The following VGLL4 variants were observed in gnomAD, a reference collection of about 807,000 sequenced individuals.
VGLL4 encodes the protein vestigial like family member 4, also known as transcription cofactor vestigial-like protein 4.
VGLL4 carries 7 observed loss-of-function variants against 21.0 expected under a neutral mutation model. The observed-to-expected ratio is 0.33, with a 90% CI of 0.19 to 0.63. The LOEUF is 0.63. VGLL4 is among the 20% of genes least tolerant of loss of function. The pLI is 0.78. For missense variants in VGLL4, 394 were observed against 425.7 expected (o/e 0.93, Z 0.66); for synonymous variants, 222 against 173.2 (o/e 1.28, Z -2.21).
At chr3:11,659,242 G>A (rs1195127562) in intron 2 of VGLL4, among the ~76,000 whole-genome samples, 1 of 149,646 alleles carries the variant, frequency 6.7e-6, no homozygotes, top group Admixed American at 6.7e-5. Context: ...CAGAACATAA[G>A]ACCTACAAAC....
chr3:11,632,443 C>T (rs2075502876), intron 1 of VGLL4, among the ~76,000 whole-genome samples: 2 of 152,168 alleles, frequency 1.3e-5, no homozygotes, highest in South Asian at 4.1e-4. Flanking sequence ...TCAATAAATG[C>T]TAGTTCCCAG....
At chr3:11,658,582 C>T (rs997687069) in intron 2 of VGLL4, among the ~76,000 whole-genome samples, 1 of 138,472 alleles carries the variant, frequency 7.2e-6, no homozygotes, top group African/African-American at 2.8e-5. Flanking sequence ...AGCCAGCTGA[C>T]AATTTTACAA....
chr3:11,651,649 G>C (rs1192207048), intron 2 of VGLL4, among the ~76,000 whole-genome samples: 2 of 151,652 alleles, frequency 1.3e-5, no homozygotes, highest in African/African-American at 4.8e-5. Flanking sequence ...GTACACGGTA[G>C]GTCAACAACT....
intron 1 of VGLL4, among the ~76,000 whole-genome samples, chr3:11,709,435 T>TAAAA (rs58100629): frequency 5.5e-5 from 6 of 108,822 alleles, no homozygotes; most frequent in East Asian, 3.0e-4. Context: ...AGACTCCGTC[T>TAAAA]AAAAAAAAAA....
chr3:11,582,347 T>C (rs757240311), intron 2 of VGLL4: 65 of 1,584,038 alleles, frequency 4.1e-5, no homozygotes, highest in Non-Finnish European at 5.3e-5. Context: ...AAGAAAGCCT[T>C]GGGCCTCACA....
At chr3:11,659,588 C>A (rs1284782848) in intron 2 of VGLL4, among the ~76,000 whole-genome samples, 1 of 150,474 alleles carries the variant, frequency 6.6e-6, no homozygotes, top group African/African-American at 2.4e-5. Flanking sequence ...CCCGGCTCGG[C>A]CTCCCAAAGT....
intron 1 of VGLL4, among the ~76,000 whole-genome samples, chr3:11,637,099 T>C (rs561043129): frequency 3.3e-5 from 5 of 149,730 alleles, no homozygotes; most frequent in Non-Finnish European, 7.4e-5. Context: ...ATTAGACACA[T>C]GGTAGTAAAG....
At chr3:11,626,505 T>C in intron 1 of VGLL4, 1 of 444,476 alleles carries the variant, frequency 2.2e-6, no homozygotes. Flanking sequence ...GAGCTGGAGA[T>C]TTCATTACCT....
intron 1 of VGLL4, among the ~76,000 whole-genome samples, chr3:11,718,473 G>A (rs752353822): frequency 6.6e-5 from 10 of 152,162 alleles, no homozygotes; most frequent in Non-Finnish European, 1.3e-4. Context: ...GTCATGCGCA[G>A]ACTCTTCATT....
intron 1 of VGLL4, among the ~76,000 whole-genome samples, chr3:11,712,352 G>C (rs1016832153): frequency 3.9e-5 from 6 of 152,136 alleles, no homozygotes; most frequent in Admixed American, 2.0e-4. Context: ...AACTTCCTAT[G>C]ATCACAAGCT....
intron 1 of VGLL4, among the ~76,000 whole-genome samples, chr3:11,703,240 A>C (rs1216039167): frequency 6.6e-6 from 1 of 152,234 alleles, no homozygotes; most frequent in Non-Finnish European, 1.5e-5. Flanking sequence ...CATTTAGTCT[A>C]CTAAGCTAAA....
intron 2 of VGLL4, among the ~76,000 whole-genome samples, chr3:11,585,655 C>T (rs1312204426): frequency 6.6e-6 from 1 of 152,140 alleles, no homozygotes; most frequent in Non-Finnish European, 1.5e-5. Context: ...GAATTGTTGG[C>T]TAGACAGAGA....
upstream of VGLL4, among the ~76,000 whole-genome samples, chr3:11,644,330 T>G (rs985824289): frequency 6.6e-5 from 10 of 152,226 alleles, no homozygotes; most frequent in African/African-American, 2.4e-4. Flanking sequence ...AAGATTGTTT[T>G]ATAATATCCA....
chr3:11,574,812 T>C (rs1429295173), intron 2 of VGLL4, among the ~76,000 whole-genome samples: 2 of 150,680 alleles, frequency 1.3e-5, no homozygotes, highest in African/African-American at 4.9e-5. Context: ...TGTGTGTGTG[T>C]GTGTGTGTGT....
At chr3:11,564,756 C>T in intron 3 of VGLL4, 41 bp downstream of exon 3, 2 of 1,533,310 alleles carry the variant, frequency 1.3e-6, no homozygotes, top group East Asian at 2.5e-5. Flanking sequence ...AGTCCCCCAG[C>T]CCCTGGACTC....
intron 2 of VGLL4, among the ~76,000 whole-genome samples, chr3:11,571,187 G>A (rs763798993): frequency 9.9e-5 from 15 of 152,246 alleles, no homozygotes; most frequent in South Asian, 2.1e-4. Flanking sequence ...CTTCAATAGC[G>A]GGGTCCATCC....
chr3:11,712,991 G>A (rs2076868199), intron 1 of VGLL4, among the ~76,000 whole-genome samples: 1 of 152,140 alleles, frequency 6.6e-6, no homozygotes, highest in African/African-American at 2.4e-5. Flanking sequence ...TGAGACTGTG[G>A]CCAACAATGA....
chr3:11,691,777 C>A (rs1303007067), intron 2 of VGLL4, among the ~76,000 whole-genome samples: 1 of 151,986 alleles, frequency 6.6e-6, no homozygotes, highest in Non-Finnish European at 1.5e-5. Flanking sequence ...CCTCATCAGA[C>A]CACATGGAAA....
chr3:11,561,916 T>A (rs373831772), intron 3 of VGLL4, among the ~76,000 whole-genome samples: 216 of 148,360 alleles, frequency 1.5e-3, no homozygotes, highest in African/African-American at 5.2e-3. Context: ...TTTTTTTTTT[T>A]AAAGACAAAG....
Sources: gnomAD v4.1 joint callset for allele counts (sites outside exome capture counted in the v4.1 genomes callset) on GRCh38, gnomAD v4.1.1 for gene constraint, MANE v1.5 for transcripts, NCBI Gene and HGNC (gene_info 2026-07-23, HGNC 2026-07-21) for gene names.